Variants in DPCD observed in about 807,000 individuals in gnomAD.
DPCD encodes protein DPCD.
Under a neutral mutation model 26.4 loss-of-function variants are expected in DPCD, and 20 were observed. The ratio of observed to expected loss-of-function variants is 0.76; its 90% confidence interval spans 0.53 to 1.10. The LOEUF is 1.10. Among genes scored for constraint, DPCD ranks in the 50% least tolerant of loss-of-function variants. DPCD has a pLI of 0.00. For synonymous variants in DPCD, 97 were observed against 94.2 expected (o/e 1.03, Z -0.17); for missense variants, 202 against 253.9 (o/e 0.80, Z 1.39).
chr10:101,599,390 T>TA (rs2063675978), intron 2 of DPCD, among the ~76,000 whole-genome samples: 1 of 152,206 alleles, frequency 6.6e-6, no homozygotes, highest in Admixed American at 6.5e-5. Context: ...GGGAAAAAAG[T>TA]TGCCTATAAA....
At chr10:101,589,470 C>T (rs1044116800) in intron 1 of DPCD, among the ~76,000 whole-genome samples, 16 of 152,252 alleles carry the variant, frequency 1.1e-4, no homozygotes, top group African/African-American at 3.9e-4. Flanking sequence ...AGGTCAGGCA[C>T]AGTGGCTCAC....
In DPCD at chr10:101,608,812, A is replaced by G. The variant is rs374959612; in HGVS notation, c.405-23A>G. The stretch of plus-strand genomic sequence containing the variant: ...TTGGGTCACCTTGCCGAGTGCCCCA[A>G]TGGCCTCTCGGTGTCCCCACAGGTA... On this transcript the variant is annotated intron_variant, in intron 4 of 5. Transcript: ENST00000370151. 52 of 1,568,798 alleles carry G rather than the reference A, an allele frequency of 3.3e-5. 1 individual carries two copies. The African/African-American group carries it at 4.9e-4, about 15-fold the overall frequency.
rs537423799 is a variant in DPCD, at chr10:101,606,115, G to C, written c.405-2720G>C. On this transcript the variant is annotated intron_variant, in intron 4 of 5. Coordinates refer to ENST00000370151, the MANE Select transcript of DPCD (RefSeq NM_015448.3). Reference sequence around the variant, plus strand: ...GCCAGGGAACTATCCTGCTGTAAGGGTTCATCTTTTAGCAGAAACAAAACA... The same window carrying C: ...GCCAGGGAACTATCCTGCTGTAAGGCTTCATCTTTTAGCAGAAACAAAACA... Among the ~76,000 whole-genome samples, 34 of 152,324 alleles carry C rather than the reference G, an allele frequency of 2.2e-4. 2 individuals carry two copies. In the South Asian group the frequency reaches 6.8e-3, roughly 31 times the overall value.
chr10:101,598,805 G>A (rs1266729186), intron 2 of DPCD, among the ~76,000 whole-genome samples: 9 of 151,926 alleles, frequency 5.9e-5, no homozygotes, highest in Non-Finnish European at 1.3e-4. Flanking sequence ...TTTATTTTTA[G>A]TAGAGACGGG....
At chr10:101,605,521 C>T (rs1212771063) in intron 4 of DPCD, among the ~76,000 whole-genome samples, 1 of 152,150 alleles carries the variant, frequency 6.6e-6, no homozygotes, top group Admixed American at 6.5e-5. Context: ...GAAACTGAGG[C>T]CCAGAAATTA....
chr10:101,606,312 T>C (rs11191061), intron 4 of DPCD, among the ~76,000 whole-genome samples: 24,937 of 152,124 alleles, frequency 0.16, 2,439 homozygotes, highest in Middle Eastern at 0.24. Context: ...CAGGTGCTGC[T>C]ACCACGCCTG....
chr10:101,605,039 G>C (rs183231349), intron 4 of DPCD: 1,534 of 1,517,104 alleles, frequency 1.0e-3, no homozygotes, highest in Non-Finnish European at 1.3e-3. Context: ...TAGTATGTGT[G>C]TGTGATTGTG....
At chr10:101,595,411 C>G (rs1458118972) in intron 2 of DPCD, among the ~76,000 whole-genome samples, 3 of 152,158 alleles carry the variant, frequency 2.0e-5, no homozygotes, top group Non-Finnish European at 4.4e-5. Flanking sequence ...GTGGCTGGCT[C>G]TTTGACCCAG....
intron 4 of DPCD, among the ~76,000 whole-genome samples, chr10:101,601,721 C>T (rs1002538615): frequency 1.3e-5 from 2 of 151,760 alleles, no homozygotes; most frequent in Non-Finnish European, 2.9e-5. Context: ...ACATCACTGT[C>T]AGAGCTGGCA....
chr10:101,588,591 C>A, intron 1 of DPCD, 191 bp downstream of exon 1: 1 of 1,420,742 alleles, frequency 7.0e-7, no homozygotes, highest in Non-Finnish European at 9.2e-7. Context: ...CTCCGGACAC[C>A]CCTTAGATTC....
intron 1 of DPCD, among the ~76,000 whole-genome samples, chr10:101,594,065 C>T (rs987091518): frequency 3.3e-5 from 5 of 152,220 alleles, no homozygotes; most frequent in African/African-American, 1.2e-4. Context: ...GGGGACTTAA[C>T]ATTGTGTTAC....
chr10:101,608,438 C>T (rs1277040504), intron 4 of DPCD, among the ~76,000 whole-genome samples: 1 of 152,194 alleles, frequency 6.6e-6, no homozygotes. Flanking sequence ...TTACTCTGTC[C>T]TTTGTTAGAA....
intron 4 of DPCD, among the ~76,000 whole-genome samples, chr10:101,602,488 T>C (rs1233873694): frequency 6.6e-6 from 1 of 152,250 alleles, no homozygotes; most frequent in Non-Finnish European, 1.5e-5. Context: ...GGATTATTGC[T>C]GTACATGCAG....
intron 1 of DPCD, among the ~76,000 whole-genome samples, chr10:101,593,350 T>C (rs2063625991): frequency 6.6e-6 from 1 of 152,128 alleles, no homozygotes; most frequent in Non-Finnish European, 1.5e-5. Flanking sequence ...TAGGAATGGC[T>C]CAAGGGAACT....
chr10:101,594,827 G>A (rs1047698047), intron 2 of DPCD, 89 bp downstream of exon 2: 23 of 1,266,020 alleles, frequency 1.8e-5, no homozygotes, highest in Non-Finnish European at 2.6e-5. Flanking sequence ...GCTTGAGGTA[G>A]GAGCCCAGAT....
intron 4 of DPCD, chr10:101,601,591 A>G (rs570591316): frequency 6.6e-6 from 1 of 152,554 alleles, no homozygotes; most frequent in African/African-American, 2.4e-5. Flanking sequence ...TTGTTGAATG[A>G]ATGAGATGAT....
intron 1 of DPCD, among the ~76,000 whole-genome samples, chr10:101,589,301 A>T (rs560019115): frequency 3.9e-4 from 60 of 152,386 alleles, no homozygotes; most frequent in African/African-American, 1.4e-3. Context: ...CCCAGGACTC[A>T]GAGTGGTTGG....
chr10:101,607,251 C>CA (rs2063738801), intron 4 of DPCD, among the ~76,000 whole-genome samples: 1 of 152,222 alleles, frequency 6.6e-6, no homozygotes, highest in Admixed American at 6.5e-5. Context: ...TGACTCTCCC[C>CA]TATTATCAGT....
Position 101,608,857 on chromosome 10 carries a change from C to T in DPCD, c.427C>T (p.Pro143Ser). The T allele has an allele frequency of 1.2e-6, 2 of 1,613,772 alleles. No homozygotes were observed. The highest frequency in any genetic ancestry group is 8.5e-7 in the Non-Finnish European group (1 of 1,179,874). ...CAGGTACTACAAGAAGTTCTCCATT[C>T]CTGATCTAGATAGACACCAGCTACC... ...NKKYYKKFSI[P>S]DLDRHQLPLD... The change falls in exon 5 of 6, where the codon CCT (proline) becomes TCT (serine). Residue 143 changes from proline to serine, a missense_variant. Physicochemically the swap from Pro to Ser is moderately conservative, Grantham distance 74. Transcript: ENST00000370151.
Sources: gnomAD v4.1 joint callset for allele counts (sites outside exome capture counted in the v4.1 genomes callset) on GRCh38, gnomAD v4.1.1 for gene constraint, MANE v1.5 for transcripts, NCBI Gene and HGNC (gene_info 2026-07-23, HGNC 2026-07-21) for gene names.